CSMD1: variants seen among roughly 807,000 people sequenced by gnomAD.
CSMD1 encodes CUB and sushi domain-containing protein 1.
A neutral mutation model predicts 417.5 loss-of-function variants in CSMD1; 213 were observed. The ratio of observed to expected loss-of-function variants is 0.51; its 90% CI spans 0.46 to 0.57. CSMD1 has a LOEUF of 0.57. CSMD1 is among the 20% of genes least tolerant of loss of function. The probability of loss-of-function intolerance (pLI) is 0.00; values close to 1 mark genes in which losing one functional copy is unlikely to be tolerated. For synonymous variants in CSMD1, 2,862 were observed against 1,736.8 expected (o/e 1.65, Z -16.11); for missense variants, 6,923 against 4,529.7 (o/e 1.53, Z -15.17).
intron 3 of CSMD1, among the ~76,000 whole-genome samples, chr8:4,045,245 G>A (rs1056853530): frequency 4.6e-5 from 7 of 152,176 alleles, no homozygotes; most frequent in Admixed American, 1.3e-4. Context: ...GAGCTTAGGA[G>A]CAGAAGTGAG....
intron 3 of CSMD1, among the ~76,000 whole-genome samples, chr8:4,080,525 C>T (rs1402671371): frequency 1.3e-5 from 2 of 152,198 alleles, no homozygotes; most frequent in Non-Finnish European, 2.9e-5. Context: ...CTGATCAAGA[C>T]TGTCTTGTCC....
Position 4,044,869 on chromosome 8 carries a change from G to A in CSMD1, c.416-12770C>T, listed in dbSNP as rs58987751. Among the ~76,000 whole-genome samples, 597 of 152,254 alleles carry A rather than the reference G, an allele frequency of 3.9e-3. 2 individuals carry two copies. Among genetic ancestry groups the A allele is most frequent in the African/African-American group, 0.014 (576 of 41,548 alleles). On this transcript the variant is annotated intron_variant, in intron 3 of 69. Transcript: ENST00000635120. ...ACCATGCTGGGGACTGCACCATCCTGAACTTTGCAGCCCTCAGGCCCAGAC... is the reference window on the plus strand; with the variant it reads ...ACCATGCTGGGGACTGCACCATCCTAAACTTTGCAGCCCTCAGGCCCAGAC...
At chr8:4,891,964 T>C (rs895005120) in intron 1 of CSMD1, among the ~76,000 whole-genome samples, 1 of 152,056 alleles carries the variant, frequency 6.6e-6, no homozygotes, top group African/African-American at 2.4e-5. Flanking sequence ...TTTACAGACA[T>C]AAATTCCAAA....
chr8:4,395,866 C>T (rs1167251564), intron 3 of CSMD1, among the ~76,000 whole-genome samples: 1 of 152,152 alleles, frequency 6.6e-6, no homozygotes, highest in African/African-American at 2.4e-5. Context: ...CCATTACAGT[C>T]TTTAATTCGG....
intron 3 of CSMD1, among the ~76,000 whole-genome samples, chr8:4,222,469 T>C (rs1801097230): frequency 6.6e-6 from 1 of 152,202 alleles, no homozygotes; most frequent in Non-Finnish European, 1.5e-5. Context: ...GTCCGTCATA[T>C]GTTCTCAGTA....
rs554602908 is a variant in CSMD1, at chr8:4,145,516, G to A, written c.416-113417C>T. On this transcript the variant is annotated intron_variant, in intron 3 of 69. Coordinates refer to ENST00000635120, the MANE Select transcript of CSMD1 (RefSeq NM_033225.6). ...GTGAGCCCTGTCACCCTCAAACATT[G>A]TCATCTTGAATCCCATTCAGAATTT... 6.0e-5 allele frequency among the ~76,000 whole-genome samples: 9 copies of A among 151,034 alleles called. 2 individuals carry two copies. The highest frequency in any genetic ancestry group is 2.2e-4 in the African/African-American group (9 of 40,402).
At chr8:3,277,401 C>G (rs1802381227) in intron 26 of CSMD1, among the ~76,000 whole-genome samples, 1 of 152,120 alleles carries the variant, frequency 6.6e-6, no homozygotes, top group Non-Finnish European at 1.5e-5. Flanking sequence ...GTGAGCAAGG[C>G]AGGGCAGCTC....
rs186605510 is a variant in CSMD1 at position 4,757,046 on chromosome 8, T to C, written c.86-119488A>G. 7.9e-4 allele frequency among the ~76,000 whole-genome samples: 120 copies of C among 152,350 alleles called. 1 individual carries two copies. Among genetic ancestry groups the C allele is most frequent in the Admixed American group, 1.6e-3 (25 of 15,302 alleles). ...TTCTTATACAATATGCAGGAATGCA[T>C]TGTGTTTAAGAAACTGAAACAGAAA... On this transcript the variant is annotated intron_variant, in intron 1 of 69. Transcript: ENST00000635120.
intron 3 of CSMD1, among the ~76,000 whole-genome samples, chr8:4,243,237 G>A (rs144317276): frequency 7.9e-5 from 12 of 152,086 alleles, no homozygotes. Flanking sequence ...TCAGGAAAGG[G>A]GAGATCACCA....
Position 4,038,953 on chromosome 8 carries a change from C to G in CSMD1, c.416-6854G>C, listed in dbSNP as rs556460274. 2.0e-5 allele frequency among the ~76,000 whole-genome samples: 3 copies of G among 152,314 alleles called. No individual in the cohort carries two copies. The East Asian group carries it at 5.8e-4, about 29-fold the overall frequency. On this transcript the variant is annotated intron_variant, in intron 3 of 69. Coordinates refer to ENST00000635120, the MANE Select transcript of CSMD1 (RefSeq NM_033225.6). ...AGTACATATGGTCACAATTCAGTGA[C>G]TTAATTGGGCTATCACATCAAACCT...
chr8:3,083,852 G>A (rs1002720720), intron 49 of CSMD1, among the ~76,000 whole-genome samples: 1 of 151,008 alleles, frequency 6.6e-6, no homozygotes, highest in Non-Finnish European at 1.5e-5. Flanking sequence ...TAGAGACAGG[G>A]TTTCACCATG....
At chr8:4,059,133 G>C (rs1201685897) in intron 3 of CSMD1, among the ~76,000 whole-genome samples, 1 of 152,170 alleles carries the variant, frequency 6.6e-6, no homozygotes, top group Non-Finnish European at 1.5e-5. Context: ...TCAGGATTAA[G>C]AAACTCACTC....
At chr8:3,565,602 T>A (rs538201239) in intron 10 of CSMD1, among the ~76,000 whole-genome samples, 2 of 152,360 alleles carry the variant, frequency 1.3e-5, no homozygotes, top group Admixed American at 6.5e-5. Context: ...CTGAATTTGT[T>A]AATTCAAGTT....
chr8:3,041,545 C>T (rs1811101682), intron 50 of CSMD1, among the ~76,000 whole-genome samples: 1 of 152,128 alleles, frequency 6.6e-6, no homozygotes, highest in Non-Finnish European at 1.5e-5. Context: ...TAAGTGTTGG[C>T]TGTGTAGAAA....
chr8:3,064,809 C>G (rs1201309633), intron 49 of CSMD1, among the ~76,000 whole-genome samples: 1 of 152,128 alleles, frequency 6.6e-6, no homozygotes, highest in Non-Finnish European at 1.5e-5. Flanking sequence ...TGAGGTTAAG[C>G]AAATTCCAAC....
chr8:3,037,109 A>T (rs144517840), intron 50 of CSMD1, among the ~76,000 whole-genome samples: 1 of 152,204 alleles, frequency 6.6e-6, no homozygotes, highest in African/African-American at 2.4e-5. Context: ...TTCACTTAGA[A>T]TAATGGCCTC....
intron 2 of CSMD1, among the ~76,000 whole-genome samples, chr8:4,447,753 T>A (rs1798898553): frequency 6.6e-6 from 1 of 152,184 alleles, no homozygotes; most frequent in African/African-American, 2.4e-5. Flanking sequence ...TTTAAGACTC[T>A]TTTGCAGTTA....
intron 7 of CSMD1, among the ~76,000 whole-genome samples, chr8:3,667,797 C>T (rs779601842): frequency 1.3e-5 from 2 of 152,258 alleles, no homozygotes; most frequent in East Asian, 1.9e-4. Flanking sequence ...ATCATGGAAA[C>T]AGAAGACCCA....
At chr8:4,384,941 T>A (rs1803348253) in intron 3 of CSMD1, among the ~76,000 whole-genome samples, 1 of 152,132 alleles carries the variant, frequency 6.6e-6, no homozygotes, top group East Asian at 1.9e-4. Context: ...CATCTTCACA[T>A]CAGGAAATTT....
Sources: allele counts gnomAD v4.1 joint callset (sites outside exome capture counted in the v4.1 genomes callset), GRCh38; gene constraint gnomAD v4.1.1; transcripts MANE v1.5; gene names NCBI Gene and HGNC (gene_info 2026-07-23, HGNC 2026-07-21).